Variants in PLXNA4 observed in about 807,000 individuals in gnomAD.
The protein encoded by PLXNA4 is plexin-A4.
PLXNA4 carries 44 observed loss-of-function variants against 191.8 expected under a neutral mutation model. The ratio of observed to expected loss-of-function variants is 0.23; its 90% CI spans 0.18 to 0.29. PLXNA4 has a LOEUF of 0.29. Among genes scored for constraint, PLXNA4 ranks in the 10% least tolerant of loss-of-function variants. The probability of loss-of-function intolerance (pLI) is 1.00; values close to 1 mark genes in which losing one functional copy is unlikely to be tolerated. For synonymous variants in PLXNA4, 1,082 were observed against 1,009.5 expected (o/e 1.07, Z -1.36); for missense variants, 1,800 against 2,488.8 (o/e 0.72, Z 5.89).
chr7:132,594,976 AATAGATAGATAGATAGATAGATAG>A (rs376281990), intron 2 of PLXNA4, among the ~76,000 whole-genome samples: 2 of 109,514 alleles, frequency 1.8e-5, no homozygotes, highest in African/African-American at 6.4e-5. Context: ...ATTGATAGAT[AATAGATAGATAGATAGATAGATAG>A]ATAGATAGAT....
chr7:132,289,838 A>T (rs1207371761), intron 4 of PLXNA4, among the ~76,000 whole-genome samples: 1 of 147,548 alleles, frequency 6.8e-6, no homozygotes. Flanking sequence ...CAGCTAATTA[A>T]TTTTTTTTTT....
chr7:132,426,924 A>T (rs1451644721), intron 3 of PLXNA4, among the ~76,000 whole-genome samples: 2 of 152,346 alleles, frequency 1.3e-5, no homozygotes, highest in South Asian at 2.1e-4. Flanking sequence ...GACCTAGGGC[A>T]GTAGCCCCTA....
chr7:132,146,402 GGCACCA>G, intron 28 of PLXNA4, 102 bp downstream of exon 28: 1 of 1,576,420 alleles, frequency 6.3e-7, no homozygotes, highest in East Asian at 2.2e-5. Context: ...TAATAGAGTG[GGCACCA>G]GCATGAATGC....
At chr7:132,594,103 T>G (rs1211957692) in intron 2 of PLXNA4, among the ~76,000 whole-genome samples, 1 of 152,228 alleles carries the variant, frequency 6.6e-6, no homozygotes, top group Non-Finnish European at 1.5e-5. Flanking sequence ...TATGTGAAAG[T>G]GGTCACCACC....
At position 132,165,002 on chromosome 7, in the gene PLXNA4, T is replaced by C. The variant is rs908847944; in HGVS notation, c.4353+132A>G. 6 of 1,350,432 alleles carry C rather than the reference T, an allele frequency of 4.4e-6. No individual in the cohort carries two copies. In the African/African-American group the frequency reaches 8.8e-5, roughly 20 times the overall value. 83.7% of individuals were successfully genotyped at this position (1,350,432 alleles called of 1,614,324 possible). A position where few individuals can be genotyped will look rare whatever the true frequency, so the allele number is the denominator to read the frequency against. ...CTTCCTAGACAGTCCATGATAAGGA[T>C]GAATTCCATTTCTTGTGGGGTTATA... On this transcript the variant is annotated intron_variant, in intron 23 of 31. Transcript: ENST00000321063.
intron 3 of PLXNA4, among the ~76,000 whole-genome samples, chr7:132,414,628 C>G (rs1016178010): frequency 5.9e-5 from 9 of 152,190 alleles, no homozygotes; most frequent in African/African-American, 2.2e-4. Flanking sequence ...CACCTCACAT[C>G]CCATAACCAC....
intron 4 of PLXNA4, among the ~76,000 whole-genome samples, chr7:132,258,689 C>T (rs1463732670): frequency 6.6e-6 from 1 of 152,150 alleles, no homozygotes; most frequent in Non-Finnish European, 1.5e-5. Context: ...TTGGAGAAAC[C>T]ACCCACACCC....
At chr7:132,545,666 T>C (rs192534990) in intron 1 of PLXNA4, among the ~76,000 whole-genome samples, 1 of 151,852 alleles carries the variant, frequency 6.6e-6, no homozygotes. Flanking sequence ...AGCAAAACAG[T>C]GAGTGGATGA....
In PLXNA4 at chr7:132,124,475, T is replaced by G. The variant is rs986586251; in HGVS notation, c.*6004A>C. On this transcript the variant is annotated 3_prime_UTR_variant, in exon 32 of 32. Transcript: ENST00000321063. ...CTGTATCCTCTGTTTTAAATTCTACTTTTGTAAGGGAGCCCTTCCAAAATG... is the reference window on the plus strand; with the variant it reads ...CTGTATCCTCTGTTTTAAATTCTACGTTTGTAAGGGAGCCCTTCCAAAATG... The G allele has an allele frequency of 2.6e-5, 4 of 152,366 alleles. No individual in the cohort carries two copies. Among genetic ancestry groups the G allele is most frequent in the Middle Eastern group, 3.4e-3 (1 of 294 alleles). The allele number at this position is 152,366 out of a possible 1,614,324, so 9.4% of individuals were successfully genotyped here. A position where few individuals can be genotyped will look rare whatever the true frequency, so the allele number is the denominator to read the frequency against.
chr7:132,624,273 C>A (rs1397571069), intron 2 of PLXNA4, among the ~76,000 whole-genome samples: 1 of 152,106 alleles, frequency 6.6e-6, no homozygotes. Context: ...ATGGTAGTAC[C>A]CGTGGTGATG....
chr7:132,640,338 A>T (rs1194769453), intron 2 of PLXNA4, among the ~76,000 whole-genome samples: 2 of 152,230 alleles, frequency 1.3e-5, no homozygotes, highest in Non-Finnish European at 1.5e-5. Flanking sequence ...AAATGCATAT[A>T]GCCATAGGTT....
intron 4 of PLXNA4, among the ~76,000 whole-genome samples, chr7:132,263,362 A>G (rs1011506782): frequency 1.3e-5 from 2 of 152,088 alleles, no homozygotes; most frequent in Non-Finnish European, 2.9e-5. Flanking sequence ...CAGCACTTCG[A>G]CCCTGCAAGC....
chr7:132,204,543 C>T (rs12668459), intron 10 of PLXNA4, among the ~76,000 whole-genome samples: 35,309 of 152,092 alleles, frequency 0.23, 5,477 homozygotes, highest in East Asian at 0.59. Flanking sequence ...TTTGCAGGAC[C>T]TACAGGCTGT....
intron 2 of PLXNA4, among the ~76,000 whole-genome samples, chr7:132,635,742 G>A (rs1287581842): frequency 6.6e-6 from 1 of 151,956 alleles, no homozygotes; most frequent in Admixed American, 6.6e-5. Flanking sequence ...ACAGCATCAG[G>A]AAGTTCCACG....
chr7:132,377,975 C>A (rs1271612303), intron 3 of PLXNA4, among the ~76,000 whole-genome samples: 1 of 152,110 alleles, frequency 6.6e-6, no homozygotes, highest in Non-Finnish European at 1.5e-5. Flanking sequence ...CTTTCAGGAG[C>A]AATCCTCCAA....
intron 1 of PLXNA4, among the ~76,000 whole-genome samples, chr7:132,536,054 T>G (rs1282433900): frequency 6.6e-6 from 1 of 152,204 alleles, no homozygotes; most frequent in Non-Finnish European, 1.5e-5. Context: ...GAGAAAAACT[T>G]ACCTTCGTCT....
At chr7:132,598,826 G>T (rs1022668408) in intron 2 of PLXNA4, among the ~76,000 whole-genome samples, 1 of 152,090 alleles carries the variant, frequency 6.6e-6, no homozygotes, top group Admixed American at 6.5e-5. Context: ...TATATTTTGT[G>T]CTTTTAAAAT....
At chr7:132,562,030 TCTC>T (rs145638988) in intron 1 of PLXNA4, among the ~76,000 whole-genome samples, 39,185 of 77,980 alleles carry the variant, frequency 0.5, 10,599 homozygotes, top group South Asian at 0.67. Context: ...TCCTCCTCCT[TCTC>T]CTCCTCTTCC....
chr7:132,446,358 G>A (rs1795912284), intron 3 of PLXNA4, among the ~76,000 whole-genome samples: 1 of 152,124 alleles, frequency 6.6e-6, no homozygotes, highest in Non-Finnish European at 1.5e-5. Context: ...CATTATGCAA[G>A]AGGAAGTCCA....
Sources: gnomAD v4.1 joint callset for allele counts (sites outside exome capture counted in the v4.1 genomes callset) on GRCh38, gnomAD v4.1.1 for gene constraint, MANE v1.5 for transcripts, NCBI Gene and HGNC (gene_info 2026-07-23, HGNC 2026-07-21) for gene names.